Variants in SDK1 observed in about 807,000 individuals in gnomAD.
The protein encoded by SDK1 is sidekick cell adhesion molecule 1.
A neutral mutation model predicts 245.5 loss-of-function variants in SDK1; 157 were observed. The ratio of observed to expected loss-of-function variants is 0.64; its 90% CI spans 0.56 to 0.73. SDK1 has a LOEUF of 0.73. Among genes scored for constraint, SDK1 ranks in the 30% least tolerant of loss-of-function variants. The pLI, the probability that SDK1 is intolerant of heterozygous loss-of-function variation, is 0.00. For synonymous variants in SDK1, 1,647 were observed against 1,278.5 expected, an observed-to-expected ratio of 1.29 and a Z score of -6.15; for missense variants, 3,583 against 3,002.3, an observed-to-expected ratio of 1.19 and a Z score of -4.52.
At chr7:4,258,291 G>T (rs1787750305) in intron 44 of SDK1, among the ~76,000 whole-genome samples, 1 of 152,088 alleles carries the variant, frequency 6.6e-6, no homozygotes, top group Non-Finnish European at 1.5e-5. Flanking sequence ...CCACCCCTAG[G>T]CCCCACCCAG....
rs567329222 is a variant in SDK1, at chr7:3,369,956, A to G, written c.298+68072A>G. On this transcript the variant is annotated intron_variant, in intron 1 of 44. Coordinates refer to ENST00000404826, the MANE Select transcript of SDK1 (RefSeq NM_152744.4). ...CCCTAGGCACAGGCAGCCTGTGAGT[A>G]TCCGTGGCAGTTCGTTTCTAACTAG... 2.6e-5 allele frequency among the ~76,000 whole-genome samples: 4 copies of G among 152,318 alleles called. No homozygotes were observed. In the South Asian group the frequency reaches 6.2e-4, roughly 24 times the overall value.
intron 35 of SDK1, among the ~76,000 whole-genome samples, chr7:4,187,155 C>T (rs778881405): frequency 1.2e-4 from 19 of 152,086 alleles, no homozygotes; most frequent in Non-Finnish European, 2.2e-4. Flanking sequence ...ACATGAGGCA[C>T]GGGGGCCAAG....
At chr7:3,552,149 T>A (rs1243948954) in intron 1 of SDK1, among the ~76,000 whole-genome samples, 3 of 152,070 alleles carry the variant, frequency 2.0e-5, no homozygotes, top group Non-Finnish European at 4.4e-5. Flanking sequence ...TGCCATTCTC[T>A]GCCTCAGCCT....
At chr7:3,654,416 G>T (rs890401114) in intron 4 of SDK1, among the ~76,000 whole-genome samples, 1 of 152,178 alleles carries the variant, frequency 6.6e-6, no homozygotes, top group Non-Finnish European at 1.5e-5. Context: ...TCACCGTGCA[G>T]AGCGAGAGGT....
intron 42 of SDK1, among the ~76,000 whole-genome samples, chr7:4,240,699 T>C (rs971578994): frequency 6.6e-6 from 1 of 152,158 alleles, no homozygotes; most frequent in Non-Finnish European, 1.5e-5. Flanking sequence ...GGGAGTGTGA[T>C]GGACTTAAGT....
chr7:3,826,180 A>G (rs1014960420), intron 5 of SDK1, among the ~76,000 whole-genome samples: 2 of 152,178 alleles, frequency 1.3e-5, no homozygotes, highest in African/African-American at 4.8e-5. Context: ...CCGTAAACAC[A>G]CCATCAGGAA....
At chr7:3,469,882 T>G (rs1781127462) in intron 1 of SDK1, among the ~76,000 whole-genome samples, 1 of 152,218 alleles carries the variant, frequency 6.6e-6, no homozygotes, top group South Asian at 2.1e-4. Flanking sequence ...TTCTCTGAAT[T>G]AAGACATACG....
chr7:4,195,518 T>TGG (rs1380764023), intron 35 of SDK1, among the ~76,000 whole-genome samples: 1 of 152,158 alleles, frequency 6.6e-6, no homozygotes, highest in African/African-American at 2.4e-5. Context: ...GGGAGTCTCT[T>TGG]GGGGAACCCA....
intron 4 of SDK1, among the ~76,000 whole-genome samples, chr7:3,683,148 C>G (rs565630367): frequency 6.6e-6 from 1 of 152,234 alleles, no homozygotes; most frequent in African/African-American, 2.4e-5. Context: ...TGTGTGCAGT[C>G]TTCTTTCATA....
chr7:4,221,234 C>T lies in SDK1; in HGVS notation c.5702-5C>T, dbSNP rs773742265. Reference sequence around the variant, plus strand: ...CTCACCTCTCTTTTCTTCTTTATCCCGCAGGATCCCCGGGCTCGCCTAGAG... The same window carrying T: ...CTCACCTCTCTTTTCTTCTTTATCCTGCAGGATCCCCGGGCTCGCCTAGAG... On this transcript the variant is annotated splice_region_variant and splice_polypyrimidine_tract_variant and intron_variant, in intron 39 of 44. Transcript: ENST00000404826. 19 of 1,612,882 alleles carry T rather than the reference C, an allele frequency of 1.2e-5. No individual in the cohort carries two copies. Among genetic ancestry groups the T allele is most frequent in the African/African-American group, 8.0e-5 (6 of 74,916 alleles).
At chr7:3,330,338 C>G (rs1780037297) in intron 1 of SDK1, among the ~76,000 whole-genome samples, 1 of 152,098 alleles carries the variant, frequency 6.6e-6, no homozygotes, top group Non-Finnish European at 1.5e-5. Flanking sequence ...CACTTATTTT[C>G]CTTTTTTAAA....
chr7:3,459,148 C>A (rs1005643258), intron 1 of SDK1, among the ~76,000 whole-genome samples: 2 of 152,034 alleles, frequency 1.3e-5, no homozygotes, highest in Non-Finnish European at 2.9e-5. Context: ...TTTGTGTATT[C>A]TTTTTGTTGT....
At chr7:4,039,302 T>TA (rs11450665) in intron 17 of SDK1, among the ~76,000 whole-genome samples, 20,230 of 148,686 alleles carry the variant, frequency 0.14, 1,474 homozygotes, top group Middle Eastern at 0.2. Flanking sequence ...TAAAGTATAA[T>TA]AAAAAAAAAA....
intron 1 of SDK1, among the ~76,000 whole-genome samples, chr7:3,606,893 A>T (rs1426949903): frequency 6.6e-6 from 1 of 152,230 alleles, no homozygotes; most frequent in African/African-American, 2.4e-5. Context: ...AACTTATGAA[A>T]AAAGTTATGT....
At chr7:3,364,482 T>A (rs1781034275) in intron 1 of SDK1, among the ~76,000 whole-genome samples, 1 of 152,204 alleles carries the variant, frequency 6.6e-6, no homozygotes, top group Non-Finnish European at 1.5e-5. Context: ...GGTTCTTTTT[T>A]TGCTTTTAAA....
intron 1 of SDK1, among the ~76,000 whole-genome samples, chr7:3,556,065 G>C (rs1779577347): frequency 6.6e-6 from 1 of 152,134 alleles, no homozygotes; most frequent in Non-Finnish European, 1.5e-5. Flanking sequence ...GCCACTGTTA[G>C]GTATATATGC....
chr7:4,207,576 T>C (rs930222160), intron 36 of SDK1, among the ~76,000 whole-genome samples: 1 of 152,164 alleles, frequency 6.6e-6, no homozygotes, highest in African/African-American at 2.4e-5. Flanking sequence ...TATTGCCATA[T>C]TGAGGAAAAC....
intron 4 of SDK1, among the ~76,000 whole-genome samples, chr7:3,704,845 A>G (rs1217218337): frequency 2.0e-5 from 3 of 152,186 alleles, no homozygotes; most frequent in Admixed American, 6.5e-5. Flanking sequence ...GTCTTTCACC[A>G]TCTTGAGTTG....
chr7:3,312,858 A>C (rs1054933766), intron 1 of SDK1, among the ~76,000 whole-genome samples: 48 of 152,184 alleles, frequency 3.2e-4, no homozygotes, highest in African/African-American at 1.0e-3. Flanking sequence ...AATCAATACA[A>C]GTTCTGCCTG....
Sources: allele counts gnomAD v4.1 joint callset (sites outside exome capture counted in the v4.1 genomes callset), GRCh38; gene constraint gnomAD v4.1.1; transcripts MANE v1.5; gene names NCBI Gene and HGNC (gene_info 2026-07-23, HGNC 2026-07-21).